Variants in CACNA1E observed in about 807,000 individuals in gnomAD.
CACNA1E encodes calcium voltage-gated channel subunit alpha1 E.
A neutral mutation model predicts 259.2 loss-of-function variants in CACNA1E; 40 were observed. The observed-to-expected ratio is 0.15, with a 90% CI of 0.12 to 0.20. The LOEUF (loss-of-function observed/expected upper bound fraction) is 0.20. Ranked by LOEUF, CACNA1E falls within the 10% of genes least tolerant of loss-of-function variation. The probability of loss-of-function intolerance (pLI) is 1.00; values close to 1 mark genes in which losing one functional copy is unlikely to be tolerated. For synonymous variants in CACNA1E, 1,104 were observed against 1,138.5 expected (o/e 0.97, Z 0.61); for missense variants, 1,874 against 3,040.1 (o/e 0.62, Z 9.02).
chr1:181,566,702 A>T (rs1649864993), intron 3 of CACNA1E, among the ~76,000 whole-genome samples: 1 of 152,198 alleles, frequency 6.6e-6, no homozygotes, highest in Non-Finnish European at 1.5e-5. Flanking sequence ...GAGAGGAGCT[A>T]TGTGTATGTT....
In CACNA1E at chr1:181,776,025, C is replaced by T; in HGVS notation, c.5140-76C>T. ...TTTGCTAAAACACCCTCCTCCATGC[C>T]CTGAAGCCTGTTCTTCTGCTTCCTG... On this transcript the variant is annotated intron_variant, in intron 37 of 47. Coordinates refer to ENST00000367573, the MANE Select transcript of CACNA1E (RefSeq NM_001205293.3). This position sits in a 1 kb window ranked among gnomAD's most constrained non-coding sequence, Gnocchi z 4.4. 4.2e-6 allele frequency: 6 copies of T among 1,421,036 alleles called. No individual in the cohort carries two copies. Among genetic ancestry groups the T allele is most frequent in the Non-Finnish European group, 5.8e-6 (6 of 1,027,942 alleles). 88.0% of individuals were successfully genotyped at this position (1,421,036 alleles called of 1,614,324 possible).
Position 181,804,730 on chromosome 1 carries a change from A to G in CACNA1E, c.*5896A>G, listed in dbSNP as rs1434246659. On this transcript the variant is annotated 3_prime_UTR_variant, in exon 48 of 48. Transcript: ENST00000367573. ...TAATAATACATAATTTAAAGCACTT[A>G]GTCTCCACAAAGCAATTTAGAAAAA... The G allele has an allele frequency of 1.6e-4, 25 of 152,170 alleles. No homozygotes were observed. 9.4% of individuals were successfully genotyped at this position (152,170 alleles called of 1,614,324 possible).
At chr1:181,756,139 C>T in intron 29 of CACNA1E, 46 bp downstream of exon 29, 1 of 1,554,752 alleles carries the variant, frequency 6.4e-7, no homozygotes, top group Non-Finnish European at 8.7e-7. Context: ...TGATAGGACC[C>T]CTGGTTGCCT....
intron 6 of CACNA1E, among the ~76,000 whole-genome samples, chr1:181,584,266 T>C (rs937004338): frequency 1.3e-5 from 2 of 152,136 alleles, no homozygotes; most frequent in African/African-American, 4.8e-5. Flanking sequence ...ATTTCTCTTC[T>C]TACTTACTGT....
rs73048019 is a variant in CACNA1E, at chr1:181,423,826, G to C, written c.434+10246G>C. On this transcript the variant is annotated intron_variant, in intron 2 of 11. Transcript: ENST00000524607. ...TCTGTGGAACCACTATTGCCAAAAG[G>C]GTGCATGGCAGAATTTGTTCTTATA... 4.5e-3 allele frequency among the ~76,000 whole-genome samples: 678 copies of C among 152,176 alleles called. 4 individuals are homozygous for C. Among genetic ancestry groups the C allele is most frequent in the African/African-American group, 0.016 (651 of 41,508 alleles).
chr1:181,757,717 T>A (rs1053902361), intron 30 of CACNA1E, among the ~76,000 whole-genome samples: 3 of 152,166 alleles, frequency 2.0e-5, no homozygotes, highest in Non-Finnish European at 2.9e-5. Flanking sequence ...AGGACTTTTT[T>A]AATAACCATG....
At chr1:181,643,796 G>C (rs1658015361) in intron 6 of CACNA1E, among the ~76,000 whole-genome samples, 1 of 152,208 alleles carries the variant, frequency 6.6e-6, no homozygotes, top group Non-Finnish European at 1.5e-5. Context: ...TGACATTCTT[G>C]GCAGCGGGGA....
At chr1:181,756,192 T>A in intron 29 of CACNA1E, 99 bp downstream of exon 29, 1 of 1,202,466 alleles carries the variant, frequency 8.3e-7, no homozygotes. Context: ...GCTTTGTTAT[T>A]GTATCAGGGA....
Position 181,485,535 on chromosome 1 carries a change from T to C in CACNA1E, c.266+1525T>C, listed in dbSNP as rs1663729317. 1.3e-5 allele frequency among the ~76,000 whole-genome samples: 2 copies of C among 152,158 alleles called. No individual in the cohort carries two copies. The highest frequency in any genetic ancestry group is 6.5e-5 in the Admixed American group (1 of 15,280). On this transcript the variant is annotated intron_variant, in intron 1 of 47. Transcript: ENST00000367573. This position sits in a 1 kb window ranked among gnomAD's most constrained non-coding sequence, Gnocchi z 4.2. ...CTCTCCTCTCTGCATCCCGCTCCCCTGCTCCACTCTCACAGAGTGATCCCA... is the reference window on the plus strand; with the variant it reads ...CTCTCCTCTCTGCATCCCGCTCCCCCGCTCCACTCTCACAGAGTGATCCCA...
intron 7 of CACNA1E, among the ~76,000 whole-genome samples, chr1:181,705,235 C>T (rs1652677456): frequency 6.6e-6 from 1 of 152,244 alleles, no homozygotes; most frequent in Non-Finnish European, 1.5e-5. Context: ...TCTCTCCCCT[C>T]ATCCCTCCAG....
intron 21 of CACNA1E, among the ~76,000 whole-genome samples, chr1:181,734,434 T>C (rs1384177757): frequency 6.7e-6 from 1 of 148,694 alleles, no homozygotes; most frequent in Non-Finnish European, 1.5e-5. Flanking sequence ...CCTGTATTCA[T>C]CCTACCCCTT....
At position 181,411,139 on chromosome 1, in the gene CACNA1E, C is replaced by T. The variant is rs540044610; in HGVS notation, c.-14-1994C>T. On this transcript the variant is annotated intron_variant, in intron 1 of 11. Coordinates refer to the CACNA1E transcript ENST00000524607. ...TCCTGGCTAGGAGGGAGGCAATAAGCAGGTATCTTGAAAAGGTGGTAAGTT... is the reference window on the plus strand; with the variant it reads ...TCCTGGCTAGGAGGGAGGCAATAAGTAGGTATCTTGAAAAGGTGGTAAGTT... Among the ~76,000 whole-genome samples, 300 of 152,320 alleles carry T rather than the reference C, an allele frequency of 2.0e-3. 2 individuals are homozygous for T. Among genetic ancestry groups the T allele is most frequent in the Non-Finnish European group, 3.4e-3 (228 of 68,030 alleles).
At chr1:181,432,374 T>A (rs1455688329) in intron 2 of CACNA1E, among the ~76,000 whole-genome samples, 1 of 152,130 alleles carries the variant, frequency 6.6e-6, no homozygotes, top group Non-Finnish European at 1.5e-5. Context: ...AATAAAAAAA[T>A]TTTTTAATGT....
chr1:181,483,520 C>G lies in CACNA1E; in HGVS notation c.-225C>G. On this transcript the variant is annotated 5_prime_UTR_variant, in exon 1 of 48. Transcript: ENST00000367573. ...TTTTTTCTTTTTTTTTTTTTTCCTT[C>G]TTGAGGAATGGAGCTTCGCAGAGGT... is the stretch of plus-strand genomic sequence containing the variant. 429 of 188,116 alleles carry G rather than the reference C, an allele frequency of 2.3e-3. No individual in the cohort carries two copies. Among genetic ancestry groups the G allele is most frequent in the East Asian group, 5.6e-3 (57 of 10,104 alleles). 11.7% of individuals were successfully genotyped at this position (188,116 alleles called of 1,614,324 possible).
At chr1:181,546,441 C>T (rs574429181) in intron 3 of CACNA1E, among the ~76,000 whole-genome samples, 1 of 152,286 alleles carries the variant, frequency 6.6e-6, no homozygotes, top group Admixed American at 6.5e-5. Flanking sequence ...TCCTCACCCC[C>T]TCAATTTTCC....
intron 1 of CACNA1E, among the ~76,000 whole-genome samples, chr1:181,342,004 A>C (rs1473745464): frequency 6.6e-6 from 1 of 152,218 alleles, no homozygotes; most frequent in Non-Finnish European, 1.5e-5. Flanking sequence ...AAACAGGACA[A>C]GGGTGTGTGG....
chr1:181,328,561 A>T (rs1366044709), intron 1 of CACNA1E, among the ~76,000 whole-genome samples: 1 of 152,194 alleles, frequency 6.6e-6, no homozygotes, highest in African/African-American at 2.4e-5. Flanking sequence ...CAAGGCGTGG[A>T]TATAGGAAAA....
At chr1:181,604,987 G>A (rs1436700734) in intron 6 of CACNA1E, among the ~76,000 whole-genome samples, 1 of 152,106 alleles carries the variant, frequency 6.6e-6, no homozygotes, top group Admixed American at 6.5e-5. Context: ...GAGGAGGAAC[G>A]GGCAGTTATT....
chr1:181,744,613 C>T (rs558781192), intron 25 of CACNA1E, among the ~76,000 whole-genome samples: 2 of 152,350 alleles, frequency 1.3e-5, no homozygotes, highest in African/African-American at 4.8e-5. Flanking sequence ...CACTACCTGC[C>T]TGTGTCTGAG....
Sources: allele counts gnomAD v4.1 joint callset (sites outside exome capture counted in the v4.1 genomes callset), GRCh38; gene constraint gnomAD v4.1.1; non-coding constraint Gnocchi (gnomAD v3.1); transcripts MANE v1.5; gene names NCBI Gene and HGNC (gene_info 2026-07-23, HGNC 2026-07-21).